PMM2: variants seen among roughly 807,000 people sequenced by gnomAD.
PMM2 encodes mannose-6-phosphate isomerase.
A neutral mutation model predicts 33.2 loss-of-function variants in PMM2; 35 were observed. That is an observed-to-expected ratio of 1.06 (90% CI 0.81 to 1.40). The LOEUF is 1.40. Ranked by LOEUF, PMM2 falls within the 40% of genes most tolerant of loss-of-function variation. The pLI is 0.00. For synonymous variants in PMM2, 153 were observed against 114.7 expected, an observed-to-expected ratio of 1.33 and a Z score of -2.13; for missense variants, 386 against 306.0, an observed-to-expected ratio of 1.26 and a Z score of -1.95.
At chr16:8,838,036 C>T (rs1304916739) in intron 7 of PMM2, among the ~76,000 whole-genome samples, 1 of 152,118 alleles carries the variant, frequency 6.6e-6, no homozygotes, top group Non-Finnish European at 1.5e-5. Flanking sequence ...CTGTTTATTT[C>T]ACCTGGGTGC....
intron 1 of PMM2, among the ~76,000 whole-genome samples, chr16:8,799,826 G>C (rs1283409223): frequency 6.6e-6 from 1 of 152,024 alleles, no homozygotes; most frequent in Non-Finnish European, 1.5e-5. Flanking sequence ...GATTACAGGC[G>C]TGAGCCACCG....
chr16:8,829,014 A>G (rs377402743), intron 7 of PMM2, among the ~76,000 whole-genome samples: 41 of 152,028 alleles, frequency 2.7e-4, no homozygotes, highest in South Asian at 2.3e-3. Context: ...GTCTCACTCT[A>G]TTGCCCAGGC....
rs2060637616 is a variant in PMM2, at chr16:8,804,828, ACT to A, written c.243_244del (p.Leu82ValfsTer2). 6.2e-7 allele frequency: 1 copy of A among 1,608,442 alleles called. No homozygotes were observed. Reference protein sequence around the residue: ...NGLVAYKDGKLLCRQNIQSHL... With the variant: ...NGLVAYKDGKXLCRQNIQSHL... ...GCTTGGTAGCATACAAAGATGGGAA[ACT>A]CTTGTGTAGACAGGTAGGTTCTTGA... On this transcript the variant is annotated frameshift_variant, in exon 3 of 8. Transcript: ENST00000268261. LOFTEE classifies it high-confidence loss of function.
At chr16:8,801,984 GGCT>G (rs1324634463) in intron 2 of PMM2, 74 bp downstream of exon 2, 1 of 1,065,108 alleles carries the variant, frequency 9.4e-7, no homozygotes, top group Admixed American at 1.9e-5. Context: ...AAGTATCATA[GGCT>G]GCCCTAAAAC....
intron 7 of PMM2, among the ~76,000 whole-genome samples, chr16:8,821,573 G>C (rs553079049): frequency 6.6e-6 from 1 of 152,326 alleles, no homozygotes; most frequent in African/African-American, 2.4e-5. Context: ...GGCATCTCCT[G>C]TGGGCATTCC....
Position 8,804,792 on chromosome 16 carries a change from T to G in PMM2, c.204T>G (p.Phe68Leu), listed in dbSNP as rs1440546915. The change falls in exon 3 of 8, where the codon TTT (phenylalanine) becomes TTG (leucine). Residue 68 changes from phenylalanine to leucine, a missense_variant. Physicochemically the swap from Phe to Leu is conservative, Grantham distance 22. Transcript: ENST00000268261. ...NDVVEKYDYV[F>L]PENGLVAYKD... Reference sequence around the variant, plus strand: ...TGGTTGAAAAATACGATTATGTGTTTCCAGAAAATGGCTTGGTAGCATACA... The same window carrying G: ...TGGTTGAAAAATACGATTATGTGTTGCCAGAAAATGGCTTGGTAGCATACA... The G allele has an allele frequency of 1.2e-6, 2 of 1,613,282 alleles. No homozygotes were observed. The highest frequency in any genetic ancestry group is 1.7e-6 in the Non-Finnish European group (2 of 1,179,332).
intron 7 of PMM2, among the ~76,000 whole-genome samples, chr16:8,844,465 G>A (rs2060911220): frequency 6.6e-6 from 1 of 152,142 alleles, no homozygotes; most frequent in African/African-American, 2.4e-5. Flanking sequence ...TGCCGCTAAG[G>A]GTGAAGGAGA....
At chr16:8,831,166 TAAAC>T in intron 7 of PMM2, among the ~76,000 whole-genome samples, 1 of 152,168 alleles carries the variant, frequency 6.6e-6, no homozygotes, top group Admixed American at 6.6e-5. Context: ...AGTTGAACTA[TAAAC>T]TGAATTCCTC....
intron 1 of PMM2, among the ~76,000 whole-genome samples, chr16:8,800,981 C>T (rs948188570): frequency 6.6e-6 from 1 of 152,214 alleles, no homozygotes; most frequent in Non-Finnish European, 1.5e-5. Flanking sequence ...CCATGTCTGG[C>T]CCTAAGCTTC....
intron 7 of PMM2, among the ~76,000 whole-genome samples, chr16:8,830,489 G>A (rs572199085): frequency 6.6e-6 from 1 of 152,234 alleles, no homozygotes; most frequent in Admixed American, 6.5e-5. Flanking sequence ...GTGGATTGCT[G>A]ATTGGTCAGC....
chr16:8,836,169 G>A (rs1258329489), intron 7 of PMM2, among the ~76,000 whole-genome samples: 1 of 80,180 alleles, frequency 1.2e-5, no homozygotes, highest in African/African-American at 5.0e-5. Flanking sequence ...GGAGTGGGTA[G>A]CCTCCGTATT....
chr16:8,825,093 C>T (rs1444171476), intron 7 of PMM2, among the ~76,000 whole-genome samples: 6 of 151,980 alleles, frequency 3.9e-5, no homozygotes, highest in Non-Finnish European at 7.4e-5. Context: ...TACAGTGGCA[C>T]GATCTCAGCT....
In PMM2 at chr16:8,847,962, G is replaced by C. The variant is rs886052459; in HGVS notation, c.*137G>C. ...CTGCATGCTATGCCAGGCATGTGCA[G>C]TCTGGACTTCCACCTCCAGTGCCAG... On this transcript the variant is annotated 3_prime_UTR_variant, in exon 8 of 8. Coordinates refer to ENST00000268261, the MANE Select transcript of PMM2 (RefSeq NM_000303.3). The C allele has an allele frequency of 1.5e-6, 1 of 661,884 alleles. No homozygotes were observed. Among genetic ancestry groups the C allele is most frequent in the Non-Finnish European group, 2.7e-6 (1 of 366,836 alleles). The allele number at this position is 661,884 out of a possible 1,614,324, so 41.0% of individuals were successfully genotyped here.
chr16:8,828,826 T>C (rs2060793015), intron 7 of PMM2, among the ~76,000 whole-genome samples: 1 of 152,174 alleles, frequency 6.6e-6, no homozygotes, highest in South Asian at 2.1e-4. Flanking sequence ...TATCTCCAGC[T>C]ACTAAAGCAA....
chr16:8,829,155 C>T (rs1027995499), intron 7 of PMM2: 21 of 152,156 alleles, frequency 1.4e-4, no homozygotes, highest in African/African-American at 4.6e-4. Flanking sequence ...TTCCCTACAG[C>T]CTAAGTCTAG....
intron 1 of PMM2, among the ~76,000 whole-genome samples, chr16:8,799,417 A>T (rs914462158): frequency 1.3e-5 from 2 of 152,158 alleles, no homozygotes; most frequent in Admixed American, 1.3e-4. Flanking sequence ...AACCTGGTAC[A>T]AGTCTCTGGG....
intron 7 of PMM2, 91 bp from the exon 8 acceptor site, chr16:8,847,633 T>C: frequency 1.1e-6 from 1 of 914,656 alleles, no homozygotes; most frequent in Non-Finnish European, 1.8e-6. Flanking sequence ...TTAAATCTTG[T>C]TTTTTGGGTA....
chr16:8,845,686 C>A (rs896132067), intron 7 of PMM2, among the ~76,000 whole-genome samples: 1 of 151,870 alleles, frequency 6.6e-6, no homozygotes, highest in African/African-American at 2.4e-5. Context: ...TCAAGTGATT[C>A]TCCTGCCAAG....
chr16:8,823,532 T>C (rs1420456086), intron 7 of PMM2, among the ~76,000 whole-genome samples: 2 of 152,212 alleles, frequency 1.3e-5, no homozygotes, highest in Non-Finnish European at 2.9e-5. Flanking sequence ...AGTCATAGTC[T>C]TATTAAGCTT....
Sources: allele counts gnomAD v4.1 joint callset (sites outside exome capture counted in the v4.1 genomes callset), GRCh38; gene constraint gnomAD v4.1.1; transcripts MANE v1.5; gene names NCBI Gene and HGNC (gene_info 2026-07-23, HGNC 2026-07-21).